IQCE: variants seen among roughly 807,000 people sequenced by gnomAD.
The protein encoded by IQCE is IQ domain-containing protein E.
IQCE carries 115 observed loss-of-function variants against 96.0 expected under a neutral mutation model. That is an observed-to-expected ratio of 1.20 (90% CI 1.03 to 1.40). IQCE has a LOEUF of 1.40. IQCE is among the 40% of genes most tolerant of loss of function. IQCE has a pLI of 0.00. For missense variants in IQCE, 1,041 were observed against 909.1 expected (o/e 1.15, Z -1.87); for synonymous variants, 412 against 371.2 (o/e 1.11, Z -1.26).
chr7:2,596,790 C>T (rs1784072373), intron 16 of IQCE: 1 of 359,294 alleles, frequency 2.8e-6, no homozygotes, highest in Non-Finnish European at 5.6e-6. Flanking sequence ...GGAACAGAGG[C>T]CTGAAAATGT....
intron 1 of IQCE, among the ~76,000 whole-genome samples, chr7:2,559,997 A>G (rs1384310360): frequency 1.3e-5 from 2 of 152,144 alleles, no homozygotes; most frequent in East Asian, 3.9e-4. Context: ...CATCTCTACA[A>G]AAAACCATCA....
At chr7:2,608,613 A>G (rs551121777) in intron 21 of IQCE, among the ~76,000 whole-genome samples, 16 of 152,318 alleles carry the variant, frequency 1.1e-4, no homozygotes, top group African/African-American at 3.6e-4. Flanking sequence ...GGGCTCTGCA[A>G]AAGGCTTTCA....
At chr7:2,587,752 A>G (rs908954829) in intron 12 of IQCE, 70 bp from the exon 13 acceptor site, 45 of 1,440,378 alleles carry the variant, frequency 3.1e-5, no homozygotes, top group Non-Finnish European at 4.3e-5. Flanking sequence ...CTCAGGCCAT[A>G]CCTGAGAAGG....
intron 15 of IQCE, among the ~76,000 whole-genome samples, chr7:2,594,661 G>T (rs1001109884): frequency 1.3e-5 from 2 of 152,232 alleles, no homozygotes; most frequent in African/African-American, 4.8e-5. Flanking sequence ...GGGGCTTCCA[G>T]CCCAGAGCAG....
chr7:2,611,646 C>T lies in IQCE; in HGVS notation c.*1484C>T, dbSNP rs1785109263. On this transcript the variant is annotated 3_prime_UTR_variant, in exon 22 of 22. Coordinates refer to ENST00000402050, the MANE Select transcript of IQCE (RefSeq NM_152558.5). ...TATGGGAGGAGGACACAGGTGTCCC[C>T]AGCCCAGCCTGTTCTCTCCCAGTCA... The T allele has an allele frequency of 1.3e-5, 2 of 151,574 alleles. No individual in the cohort carries two copies. The highest frequency in any genetic ancestry group is 4.8e-5 in the African/African-American group (2 of 41,310). 9.4% of individuals were successfully genotyped at this position (151,574 alleles called of 1,614,324 possible).
chr7:2,604,436 G>A (rs1313396248), intron 18 of IQCE, among the ~76,000 whole-genome samples: 1 of 152,176 alleles, frequency 6.6e-6, no homozygotes, highest in East Asian at 1.9e-4. Context: ...ATCATTTCAG[G>A]ATAAATAATT....
At chr7:2,595,435 C>T (rs539944055) in intron 16 of IQCE, among the ~76,000 whole-genome samples, 1 of 152,176 alleles carries the variant, frequency 6.6e-6, no homozygotes, top group Non-Finnish European at 1.5e-5. Context: ...CCTGTGCCCT[C>T]CCTGCCGTCA....
chr7:2,564,994 T>C (rs935184182), intron 1 of IQCE, among the ~76,000 whole-genome samples: 9 of 152,206 alleles, frequency 5.9e-5, no homozygotes, highest in African/African-American at 2.2e-4. Flanking sequence ...CACAGGCTGA[T>C]TGAGCTTAAC....
chr7:2,560,978 GAC>G (rs1273602991), intron 1 of IQCE, among the ~76,000 whole-genome samples: 6 of 128,224 alleles, frequency 4.7e-5, no homozygotes, highest in Non-Finnish European at 1.7e-5. Context: ...AAAAAAAAAA[GAC>G]ACAGTCTCGC....
Position 2,572,256 on chromosome 7 carries a change from C to G in IQCE, c.324C>G (p.Gly108=). The stretch of plus-strand genomic sequence containing the variant: ...AGCATGCGTGGACTGGCGTCCCCGG[C>G]GGCACTCCTGACTGTCTGACAGACA... ...TWEHAWTGVP[G]GTPDCLTDTF... The change falls in exon 5 of 22, where the codon GGC becomes GGG. Residue 108 remains glycine (G), a synonymous_variant. Transcript: ENST00000402050. The G allele has an allele frequency of 1.2e-6, 2 of 1,614,102 alleles. No individual in the cohort carries two copies. The highest frequency in any genetic ancestry group is 4.5e-5 in the East Asian group (2 of 44,878).
chr7:2,569,065 G>C, intron 3 of IQCE, 66 bp downstream of exon 3: 2 of 1,498,746 alleles, frequency 1.3e-6, no homozygotes, highest in African/African-American at 1.4e-5. Flanking sequence ...AGAGAATGAA[G>C]GGTATTTGCT....
intron 9 of IQCE, among the ~76,000 whole-genome samples, 158 bp downstream of exon 9, chr7:2,582,808 T>G (rs935949701): frequency 1.3e-5 from 2 of 152,206 alleles, no homozygotes; most frequent in Non-Finnish European, 2.9e-5. Flanking sequence ...TTTTATTGTC[T>G]TTGTTTCCTC....
At chr7:2,567,200 C>G (rs1383415732) in intron 2 of IQCE, 37 bp downstream of exon 2, 1 of 1,566,024 alleles carries the variant, frequency 6.4e-7, no homozygotes, top group Non-Finnish European at 8.8e-7. Context: ...CGACCTCGGG[C>G]TGGTTGCGCT....
chr7:2,580,824 A>C (rs929489588), intron 8 of IQCE, among the ~76,000 whole-genome samples: 1 of 152,222 alleles, frequency 6.6e-6, no homozygotes, highest in Non-Finnish European at 1.5e-5. Flanking sequence ...ACGGCCATGC[A>C]CAGAACCAGG....
intron 6 of IQCE, among the ~76,000 whole-genome samples, chr7:2,576,761 C>G (rs959746457): frequency 6.6e-6 from 1 of 152,188 alleles, no homozygotes; most frequent in African/African-American, 2.4e-5. Flanking sequence ...AATTTGTCCA[C>G]AGATAAAGAT....
intron 5 of IQCE, chr7:2,572,741 G>A (rs754044517): frequency 1.1e-5 from 5 of 456,988 alleles, no homozygotes; most frequent in East Asian, 6.9e-5. Context: ...ACGGAATCTC[G>A]CTGTGTTGCC....
intron 17 of IQCE, among the ~76,000 whole-genome samples, chr7:2,599,292 G>A (rs561729354): frequency 6.6e-6 from 1 of 152,162 alleles, no homozygotes; most frequent in South Asian, 2.1e-4. Context: ...CGCCTCCTGG[G>A]TTCAAGTGAT....
At chr7:2,572,358 C>G (rs1453070766) in intron 5 of IQCE, 32 bp downstream of exon 5, 1 of 1,604,614 alleles carries the variant, frequency 6.2e-7, no homozygotes, top group Non-Finnish European at 8.5e-7. Flanking sequence ...AGGCTGAGGC[C>G]AAGGAAGAGC....
At chr7:2,598,350 A>G in intron 16 of IQCE, 115 bp from the exon 17 acceptor site, 1 of 1,017,846 alleles carries the variant, frequency 9.8e-7, no homozygotes, top group Non-Finnish European at 1.4e-6. Context: ...CACATTAGTG[A>G]GACTCACCTG....
Sources: allele counts gnomAD v4.1 joint callset (sites outside exome capture counted in the v4.1 genomes callset), GRCh38; gene constraint gnomAD v4.1.1; transcripts MANE v1.5; gene names NCBI Gene and HGNC (gene_info 2026-07-23, HGNC 2026-07-21).